PARD3B: variants seen among roughly 807,000 people sequenced by gnomAD.
The protein encoded by PARD3B is par-3 family cell polarity regulator beta, also known as partitioning defective 3 homolog B.
PARD3B carries 103 observed loss-of-function variants against 130.2 expected under a neutral mutation model. That is an observed-to-expected ratio of 0.79 (90% CI 0.67 to 0.93). PARD3B has a LOEUF of 0.93. PARD3B is among the 40% of genes least tolerant of loss of function. The probability of loss-of-function intolerance (pLI) is 0.00; values close to 1 mark genes in which losing one functional copy is unlikely to be tolerated. For missense variants in PARD3B, 1,609 were observed against 1,499.2 expected, an observed-to-expected ratio of 1.07 and a Z score of -1.21; for synonymous variants, 583 against 553.2, an observed-to-expected ratio of 1.05 and a Z score of -0.76.
rs1447677822 is a variant in PARD3B, at chr2:204,677,753, C to A, written c.121-8428C>A. Among the ~76,000 whole-genome samples the A allele has an allele frequency of 6.6e-6, 1 of 152,182 alleles. No homozygotes were observed. Among genetic ancestry groups the A allele is most frequent in the East Asian group, 1.9e-4 (1 of 5,190 alleles). ...TTAAAGCCTGTGGTCAACTAAGCAT[C>A]TCCTGGGCTTCTTAGAAATGTTGAA... On this transcript the variant is annotated intron_variant, in intron 1 of 22. Transcript: ENST00000406610. The surrounding 1 kb of genome is among the most constrained non-coding windows in gnomAD (Gnocchi z 4.1).
At chr2:205,323,068 G>A (rs1574698287) in intron 18 of PARD3B, among the ~76,000 whole-genome samples, 1 of 151,406 alleles carries the variant, frequency 6.6e-6, no homozygotes, top group East Asian at 2.0e-4. Context: ...CCACCACCAA[G>A]CCCGGCTAAT....
rs1237137382 is a variant in PARD3B at position 205,381,023 on chromosome 2, G to GATATATAAAGAAT, written c.2631-19984_2631-19983insAAAGAATATATAT. ...TATATATAATATAAAGAATATATAT[G>GATATATAAAGAAT]ATATATTATATATAAAGAATATATA... On this transcript the variant is annotated intron_variant, in intron 18 of 22. Transcript: ENST00000406610. Among the ~76,000 whole-genome samples, 14 of 64,960 alleles carry GATATATAAAGAAT rather than the reference G, an allele frequency of 2.2e-4. 2 individuals carry two copies. The highest frequency in any genetic ancestry group is 8.4e-4 in the South Asian group (2 of 2,380). 42.6% of individuals were successfully genotyped at this position (64,960 alleles called of 152,430 possible). A position where few individuals can be genotyped will look rare whatever the true frequency, so the allele number is the denominator to read the frequency against.
chr2:205,540,320 T>C (rs2052067719), intron 21 of PARD3B, among the ~76,000 whole-genome samples: 1 of 152,206 alleles, frequency 6.6e-6, no homozygotes, highest in Non-Finnish European at 1.5e-5. Flanking sequence ...CAGCTTAAAG[T>C]ATTTTACAAT....
chr2:204,588,615 A>G (rs138358389), intron 1 of PARD3B, among the ~76,000 whole-genome samples: 1 of 152,156 alleles, frequency 6.6e-6, no homozygotes, highest in Non-Finnish European at 1.5e-5. Context: ...ATCTTATCCT[A>G]CAATAGTTCA....
intron 18 of PARD3B, among the ~76,000 whole-genome samples, chr2:205,380,787 A>G (rs1258338334): frequency 9.7e-6 from 1 of 103,176 alleles, no homozygotes; most frequent in Non-Finnish European, 1.7e-5. Context: ...TAAAGAATAT[A>G]CATTATATAT....
At chr2:204,935,361 C>G (rs1257313837) in intron 2 of PARD3B, among the ~76,000 whole-genome samples, 1 of 134,276 alleles carries the variant, frequency 7.4e-6, no homozygotes, top group African/African-American at 2.6e-5. Context: ...AACCCTGTCT[C>G]TACTAAAAAT....
At position 204,657,003 on chromosome 2, in the gene PARD3B, G is replaced by A. The variant is rs2035659555; in HGVS notation, c.121-29178G>A. Among the ~76,000 whole-genome samples the A allele has an allele frequency of 2.6e-5, 4 of 152,248 alleles. No individual in the cohort carries two copies. The South Asian group carries it at 6.2e-4, about 24-fold the overall frequency. ...TCTGGATACCCAGAGTGAGTGCCTTGGTCTTATTTGTAATTTTAGAACTGC... is the reference window on the plus strand; with the variant it reads ...TCTGGATACCCAGAGTGAGTGCCTTAGTCTTATTTGTAATTTTAGAACTGC... On this transcript the variant is annotated intron_variant, in intron 1 of 22. Coordinates refer to ENST00000406610, the MANE Select transcript of PARD3B (RefSeq NM_001302769.2).
chr2:204,633,072 T>C (rs1391275434), intron 1 of PARD3B, among the ~76,000 whole-genome samples: 5 of 152,218 alleles, frequency 3.3e-5, no homozygotes, highest in Non-Finnish European at 7.3e-5. Context: ...AAAATACTCA[T>C]GTCATTTTCT....
chr2:205,227,987 T>G (rs1220994175), intron 15 of PARD3B, among the ~76,000 whole-genome samples: 1 of 152,312 alleles, frequency 6.6e-6, no homozygotes, highest in Non-Finnish European at 1.5e-5. Context: ...ATGAAAATTC[T>G]GCACTTTAAC....
intron 21 of PARD3B, among the ~76,000 whole-genome samples, chr2:205,509,106 A>G (rs780273281): frequency 6.6e-6 from 1 of 152,150 alleles, no homozygotes; most frequent in African/African-American, 2.4e-5. Context: ...AATATAGCAT[A>G]AATCATTTTT....
At chr2:204,731,313 G>T (rs2039496608) in intron 2 of PARD3B, among the ~76,000 whole-genome samples, 1 of 152,122 alleles carries the variant, frequency 6.6e-6, no homozygotes, top group Non-Finnish European at 1.5e-5. Flanking sequence ...TCTAATTTAA[G>T]ACCAATAACA....
intron 2 of PARD3B, among the ~76,000 whole-genome samples, chr2:204,771,778 G>A (rs1480969889): frequency 6.6e-6 from 1 of 151,926 alleles, no homozygotes; most frequent in Admixed American, 6.6e-5. Context: ...ATACTTTGTT[G>A]CTTTTTTATA....
intron 3 of PARD3B, among the ~76,000 whole-genome samples, chr2:204,984,473 G>C (rs1272149818): frequency 6.6e-6 from 1 of 152,120 alleles, no homozygotes; most frequent in Non-Finnish European, 1.5e-5. Context: ...GCCAGTGATA[G>C]CCAGGGCCCT....
intron 2 of PARD3B, among the ~76,000 whole-genome samples, chr2:204,924,409 T>C (rs114263748): frequency 0.016 from 2,440 of 152,182 alleles, 37 homozygotes; most frequent in African/African-American, 0.038. Flanking sequence ...TTCAAACTAG[T>C]ATTAAAGGGG....
intron 3 of PARD3B, among the ~76,000 whole-genome samples, chr2:204,980,382 G>T (rs1163852370): frequency 6.6e-6 from 1 of 152,160 alleles, no homozygotes; most frequent in African/African-American, 2.4e-5. Context: ...GTGCTTAGAG[G>T]TAAGGGTAGG....
At chr2:204,625,813 C>T (rs1559192528) in intron 1 of PARD3B, among the ~76,000 whole-genome samples, 2 of 152,080 alleles carry the variant, frequency 1.3e-5, no homozygotes, top group Non-Finnish European at 1.5e-5. Flanking sequence ...AAAATTCCTT[C>T]CTTTTTGGAA....
chr2:205,226,005 T>G (rs2038520557), intron 15 of PARD3B, among the ~76,000 whole-genome samples: 2 of 152,226 alleles, frequency 1.3e-5, no homozygotes, highest in South Asian at 2.1e-4. Flanking sequence ...TTTTTTGTTT[T>G]GTTTTATGAG....
At chr2:204,647,737 A>G (rs531629705) in intron 1 of PARD3B, among the ~76,000 whole-genome samples, 1 of 151,928 alleles carries the variant, frequency 6.6e-6, no homozygotes, top group African/African-American at 2.4e-5. Flanking sequence ...ATTAAATTCC[A>G]TATATACATG....
At chr2:205,100,662 A>G (rs757376285) in intron 4 of PARD3B, among the ~76,000 whole-genome samples, 1 of 152,154 alleles carries the variant, frequency 6.6e-6, no homozygotes, top group Non-Finnish European at 1.5e-5. Context: ...ATAAAATACA[A>G]TTGAGGATCC....
Sources: gnomAD v4.1 joint callset for allele counts (sites outside exome capture counted in the v4.1 genomes callset) on GRCh38, gnomAD v4.1.1 for gene constraint, Gnocchi (gnomAD v3.1) non-coding constraint, MANE v1.5 for transcripts, NCBI Gene and HGNC (gene_info 2026-07-23, HGNC 2026-07-21) for gene names.